Variants in ARL10 observed in about 807,000 individuals in gnomAD.
ARL10 encodes the protein ARF like GTPase 10.
A neutral mutation model predicts 26.1 loss-of-function variants in ARL10; 23 were observed. The observed-to-expected ratio is 0.88, with a 90% CI of 0.63 to 1.25. ARL10 has a LOEUF of 1.25. Ranked by LOEUF, ARL10 falls within the 50% of genes most tolerant of loss-of-function variation. ARL10 has a pLI of 0.00. For synonymous variants in ARL10, 138 were observed against 149.1 expected (o/e 0.93, Z 0.54); for missense variants, 300 against 323.6 (o/e 0.93, Z 0.56).
chr5:176,400,062 G>A (rs941565381), intron 1 of ARL10, among the ~76,000 whole-genome samples: 14 of 151,580 alleles, frequency 9.2e-5, no homozygotes, highest in South Asian at 2.1e-4. Flanking sequence ...GTGGTGGCCC[G>A]CACCTGTAAT....
At chr5:176,384,283 T>G (rs1581403349), downstream of ARL10, 1 of 1,614,234 alleles carries the variant, frequency 6.2e-7, no homozygotes, top group East Asian at 2.2e-5. Flanking sequence ...GTCTTGCCAC[T>G]CTGCTGGGTA....
intron 1 of ARL10, among the ~76,000 whole-genome samples, chr5:176,399,009 A>G (rs947443721): frequency 1.3e-5 from 2 of 151,770 alleles, no homozygotes; most frequent in African/African-American, 4.8e-5. Flanking sequence ...CACCCGGCTA[A>G]TTTTTTGTAG....
chr5:176,397,785 C>G, intron 1 of ARL10: 1 of 1,533,088 alleles, frequency 6.5e-7, no homozygotes, highest in East Asian at 2.3e-5. Flanking sequence ...CCGCGCTCCT[C>G]CCCTGGCCCC....
At chr5:176,399,882 A>G (rs145346729) in intron 1 of ARL10, among the ~76,000 whole-genome samples, 6,213 of 151,124 alleles carry the variant, frequency 0.041, 432 homozygotes, top group African/African-American at 0.14. Context: ...GGTCTCAAAA[A>G]AAAAAAAAAG....
chr5:176,385,881 AG>A, downstream of ARL10: 1 of 152,888 alleles, frequency 6.5e-6, no homozygotes, highest in Non-Finnish European at 1.5e-5. Context: ...TAAAATAGAC[AG>A]GCAAATCCTA....
intron 1 of ARL10, among the ~76,000 whole-genome samples, chr5:176,394,451 C>T (rs930043221): frequency 1.3e-5 from 2 of 152,144 alleles, no homozygotes; most frequent in East Asian, 1.9e-4. Context: ...GCGGGTGGAT[C>T]ACTTGAGGTC....
downstream of ARL10, chr5:176,389,720 A>C: frequency 2.2e-6 from 1 of 462,630 alleles, no homozygotes; most frequent in Non-Finnish European, 3.8e-6. Flanking sequence ...TCTCCCCTCC[A>C]CTCCCCTGCT....
chr5:176,386,854 G>C, downstream of ARL10: 4 of 1,613,954 alleles, frequency 2.5e-6, no homozygotes, highest in Non-Finnish European at 3.4e-6. Context: ...CAGCACATAG[G>C]GCTTCCGTAC....
chr5:176,397,645 G>A, intron 1 of ARL10: 4 of 1,611,726 alleles, frequency 2.5e-6, no homozygotes, highest in Middle Eastern at 1.7e-4. Flanking sequence ...GTTCACTCTG[G>A]CGCTGGTTCC....
chr5:176,410,982 T>C, the ARL10 span, among the ~76,000 whole-genome samples: 1 of 152,156 alleles, frequency 6.6e-6, no homozygotes, highest in Non-Finnish European at 1.5e-5. Context: ...ACAGTTGCCC[T>C]CCACTCTCTC....
Position 176,371,756 on chromosome 5 carries a change from A to T in ARL10, c.596A>T (p.Gln199Leu). 1 of 1,614,218 alleles carries T rather than the reference A, an allele frequency of 6.2e-7. No homozygotes were observed. The highest frequency in any genetic ancestry group is 8.5e-7 in the Non-Finnish European group (1 of 1,180,032). ...LSEAMSMGEL[Q>L]RELGLQAIDN... Reference sequence around the variant, plus strand: ...GAGGCCATGAGTATGGGGGAGCTGCAGCGGGAGCTGGGTCTACAGGCTATC... The same window carrying T: ...GAGGCCATGAGTATGGGGGAGCTGCTGCGGGAGCTGGGTCTACAGGCTATC... The change falls in exon 4 of 4, where the codon CAG becomes CTG. Residue 199 changes from glutamine to leucine, a missense_variant. Transcript: ENST00000310389.
downstream of ARL10, among the ~76,000 whole-genome samples, chr5:176,403,951 G>C (rs1756972077): frequency 6.6e-6 from 1 of 151,004 alleles, no homozygotes; most frequent in Non-Finnish European, 1.5e-5. Flanking sequence ...GTAGAGACAG[G>C]GTTTCATCAT....
downstream of ARL10, among the ~76,000 whole-genome samples, chr5:176,402,573 C>T (rs1223384725): frequency 6.6e-6 from 1 of 152,194 alleles, no homozygotes; most frequent in Non-Finnish European, 1.5e-5. Context: ...TTTTCTGTGT[C>T]CTCCCCCTTC....
chr5:176,382,761 C>T (rs1428299367), downstream of ARL10, among the ~76,000 whole-genome samples: 1 of 152,124 alleles, frequency 6.6e-6, no homozygotes, highest in Admixed American at 6.5e-5. Context: ...GGCCGTCTCA[C>T]AAAACCTACA....
chr5:176,396,562 G>T, intron 1 of ARL10: 1 of 1,581,730 alleles, frequency 6.3e-7, no homozygotes. Context: ...GAAGGGGTTA[G>T]GTGGGGGAAG....
chr5:176,387,866 G>A (rs746921224), intron 1 of ARL10, among the ~76,000 whole-genome samples: 11 of 152,200 alleles, frequency 7.2e-5, no homozygotes, highest in South Asian at 2.1e-4. Flanking sequence ...GGAAGCCTCA[G>A]ACCAAGGATG....
At chr5:176,388,781 G>A (rs3172921), downstream of ARL10, 2 of 1,601,980 alleles carry the variant, frequency 1.2e-6, no homozygotes, top group South Asian at 1.1e-5. Flanking sequence ...GGAGGCTGAG[G>A]TCGGAGTCCC....
chr5:176,366,588 G>A lies in ARL10; in HGVS notation c.385+7G>A, dbSNP rs1341790219. ...GAGGTGGACCTGCTAGAAAGTGAGC[G>A]GACACCCTACCCCATCTCCCCGTCT... On this transcript the variant is annotated splice_region_variant and intron_variant, in intron 2 of 3. Coordinates refer to ENST00000310389, the MANE Select transcript of ARL10 (RefSeq NM_173664.6). 6 of 1,613,384 alleles carry A rather than the reference G, an allele frequency of 3.7e-6. No homozygotes were observed.
At chr5:176,402,040 C>A (rs1225830958), downstream of ARL10, among the ~76,000 whole-genome samples, 2 of 152,182 alleles carry the variant, frequency 1.3e-5, no homozygotes, top group Non-Finnish European at 2.9e-5. Context: ...CGGTGGCTCG[C>A]GCCTATAATC....
Sources: gnomAD v4.1 joint callset for allele counts (sites outside exome capture counted in the v4.1 genomes callset) on GRCh38, gnomAD v4.1.1 for gene constraint, MANE v1.5 for transcripts, NCBI Gene and HGNC (gene_info 2026-07-23, HGNC 2026-07-21) for gene names.